Variants in AMBN observed in about 807,000 individuals in gnomAD.
The protein encoded by AMBN is enamel matrix protein.
Under a neutral mutation model 48.0 loss-of-function variants are expected in AMBN, and 54 were observed. The observed-to-expected ratio is 1.12, with a 90% CI of 0.90 to 1.41. The LOEUF is 1.41. Among genes scored for constraint, AMBN ranks in the 40% most tolerant of loss-of-function variants. AMBN has a pLI of 0.00. For missense variants in AMBN, 571 were observed against 547.3 expected (o/e 1.04, Z -0.43); for synonymous variants, 186 against 190.0 (o/e 0.98, Z 0.17).
Position 70,606,553 on chromosome 4 carries a change from T to A in AMBN, c.1167T>A (p.Pro389=), listed in dbSNP as rs753391808. The change falls in exon 13 of 13, where the codon CCT becomes CCA. Residue 389 remains proline (P), a synonymous_variant. Coordinates refer to ENST00000322937, the MANE Select transcript of AMBN (RefSeq NM_016519.6). ...TPAAADPLMT[P]ELADVYRTYD... ...CAGCTGCTGACCCACTGATGACCCC[T>A]GAATTAGCTGATGTTTATAGGACCT... is the stretch of plus-strand genomic sequence containing the variant. The A allele has an allele frequency of 6.2e-7, 1 of 1,614,106 alleles. No homozygotes were observed. Among genetic ancestry groups the A allele is most frequent in the Non-Finnish European group, 8.5e-7 (1 of 1,179,996 alleles).
chr4:70,603,171 A>G, intron 9 of AMBN, 89 bp from the exon 10 acceptor site: 3 of 1,389,368 alleles, frequency 2.2e-6, no homozygotes, highest in Non-Finnish European at 3.0e-6. Context: ...ATACTAATCC[A>G]TCTGAAAATG....
In AMBN at chr4:70,606,240, T is replaced by A. The variant is rs772566071; in HGVS notation, c.854T>A (p.Met285Lys). Residue 285 changes from methionine to lysine, a missense_variant, in exon 13 of 13, where the codon ATG (methionine) becomes AAG (lysine). Met to Lys is a moderately conservative substitution (Grantham distance 95). Coordinates refer to ENST00000322937, the MANE Select transcript of AMBN (RefSeq NM_016519.6). The stretch of plus-strand genomic sequence containing the variant: ...GCCATGTTTCCAGGATTTGGAGGCA[T>A]GAGGCCCGGCTTTGAGGGAATGCCC... ...YGAMFPGFGG[M>K]RPGFEGMPHN... 1.2e-6 allele frequency: 2 copies of A among 1,614,090 alleles called. No individual in the cohort carries two copies. The highest frequency in any genetic ancestry group is 1.7e-6 in the Non-Finnish European group (2 of 1,179,990).
chr4:70,600,337 A>C (rs930350294), intron 5 of AMBN, among the ~76,000 whole-genome samples: 3 of 152,102 alleles, frequency 2.0e-5, no homozygotes, highest in Non-Finnish European at 2.9e-5. Context: ...TAAAAAAAAA[A>C]AACATCATGA....
rs1189484416 is a variant in AMBN at position 70,602,620 on chromosome 4, A to G, written c.532-4A>G. On this transcript the variant is annotated splice_polypyrimidine_tract_variant and splice_region_variant and intron_variant, in intron 6 of 12. Coordinates refer to ENST00000322937, the MANE Select transcript of AMBN (RefSeq NM_016519.6). ...GATAATTTTAATATTTATCTGTGAT[A>G]TAGCTCCCAGGAGTAGATTTTGCTG... 3 of 1,560,188 alleles carry G rather than the reference A, an allele frequency of 1.9e-6. No individual in the cohort carries two copies. Among genetic ancestry groups the G allele is most frequent in the Non-Finnish European group, 2.6e-6 (3 of 1,154,280 alleles).
chr4:70,598,297 T>A, intron 3 of AMBN, 59 bp from the exon 4 acceptor site: 2 of 1,201,342 alleles, frequency 1.7e-6, no homozygotes, highest in Non-Finnish European at 2.3e-6. Flanking sequence ...TCATGAGAAA[T>A]CAGTTGTGTC....
chr4:70,593,720 C>G (rs1235192408), intron 2 of AMBN, among the ~76,000 whole-genome samples: 1 of 152,020 alleles, frequency 6.6e-6, no homozygotes, highest in Non-Finnish European at 1.5e-5. Context: ...CAAAAATTAG[C>G]CAGGCGTGGT....
chr4:70,598,770 T>TTTTA (rs982792752), intron 4 of AMBN, among the ~76,000 whole-genome samples: 49 of 151,860 alleles, frequency 3.2e-4, no homozygotes, highest in African/African-American at 7.5e-4. Flanking sequence ...CTTATTTTAT[T>TTTTA]TTTATTTATT....
intron 5 of AMBN, among the ~76,000 whole-genome samples, chr4:70,601,120 A>G (rs895209875): frequency 6.6e-6 from 1 of 152,202 alleles, no homozygotes; most frequent in Non-Finnish European, 1.5e-5. Flanking sequence ...AAAGATACAG[A>G]TACATACAGA....
At chr4:70,599,514 C>CT (rs760915331) in intron 4 of AMBN, 22 bp from the exon 5 acceptor site, 19 of 1,508,434 alleles carry the variant, frequency 1.3e-5, no homozygotes, top group Middle Eastern at 3.4e-4. Context: ...ATAAGCATGT[C>CT]TTTTTTTATC....
At chr4:70,605,169 A>G (rs1027379293) in intron 12 of AMBN, among the ~76,000 whole-genome samples, 2 of 152,294 alleles carry the variant, frequency 1.3e-5, no homozygotes, top group Admixed American at 1.3e-4. Flanking sequence ...TCACAGTATC[A>G]TCCCTGGAGG....
At chr4:70,597,152 T>G in intron 3 of AMBN, 103 bp downstream of exon 3, 8 of 1,046,182 alleles carry the variant, frequency 7.6e-6, no homozygotes, top group Non-Finnish European at 1.1e-5. Flanking sequence ...GCCAGAAGTT[T>G]GTGGCTGTTA....
chr4:70,603,021 A>C lies in AMBN; in HGVS notation c.648+11A>C. 6.2e-7 allele frequency: 1 copy of C among 1,600,354 alleles called. No individual in the cohort carries two copies. The highest frequency in any genetic ancestry group is 1.3e-5 in the African/African-American group (1 of 74,492). On this transcript the variant is annotated intron_variant, in intron 9 of 12. Transcript: ENST00000322937. ...CCACAAGGTTCAACAGTAAGTACAG[A>C]TCTCAATGAGACACTGTCTTGCAAA... is the stretch of plus-strand genomic sequence containing the variant.
chr4:70,601,312 C>A, intron 5 of AMBN, 106 bp from the exon 6 acceptor site: 1 of 1,120,754 alleles, frequency 8.9e-7, no homozygotes, highest in Non-Finnish European at 1.3e-6. Flanking sequence ...GTCTCCTAGC[C>A]TCCCTTCCAG....
intron 5 of AMBN, among the ~76,000 whole-genome samples, chr4:70,600,273 C>T (rs1399074615): frequency 6.6e-6 from 1 of 151,880 alleles, no homozygotes; most frequent in Non-Finnish European, 1.5e-5. Context: ...TGTGCCACTG[C>T]ACTCCAGCCT....
chr4:70,599,548 G>A lies in AMBN; in HGVS notation c.196G>A (p.Gly66Ser), dbSNP rs759559200. The part of the protein sequence containing the change: ...LNTLSQYSRY[G>S]FGKSFNSLWM... ...TCCATGTCTTTAGTATTCTAGATAC[G>A]GCTTTGGAAAATCATTTAATTCTTT... The change falls in exon 5 of 13, where the codon GGC (glycine) becomes AGC (serine). Residue 66 changes from glycine to serine, a missense_variant. By Grantham distance (56) the Gly-to-Ser change is moderately conservative. Coordinates refer to ENST00000322937, the MANE Select transcript of AMBN (RefSeq NM_016519.6). 1.1e-5 allele frequency: 17 copies of A among 1,609,756 alleles called. No homozygotes were observed. Among genetic ancestry groups the A allele is most frequent in the African/African-American group, 5.4e-5 (4 of 74,628 alleles).
intron 4 of AMBN, 68 bp downstream of exon 4, chr4:70,598,471 T>C: frequency 7.9e-7 from 1 of 1,270,808 alleles, no homozygotes; most frequent in Non-Finnish European, 1.1e-6. Flanking sequence ...AGCATTATAA[T>C]TCATCAAATT....
chr4:70,604,729 A>T (rs1288912055), intron 12 of AMBN, among the ~76,000 whole-genome samples: 6 of 150,810 alleles, frequency 4.0e-5, no homozygotes, highest in African/African-American at 1.5e-4. Context: ...GCAGTGGCTC[A>T]TGCCTATAAT....
At chr4:70,595,199 T>TC (rs976644418) in intron 2 of AMBN, among the ~76,000 whole-genome samples, 1 of 149,560 alleles carries the variant, frequency 6.7e-6, no homozygotes, top group Non-Finnish European at 1.5e-5. Flanking sequence ...TCTTTTTTTT[T>TC]TTTTTTTTTT....
chr4:70,602,707 A>AATTTTTATTTGTTCACTTTTTT, intron 7 of AMBN, 45 bp downstream of exon 7: 1 of 1,513,848 alleles, frequency 6.6e-7, no homozygotes, highest in Non-Finnish European at 8.9e-7. Flanking sequence ...TTTATTTTTT[A>AATTTTTATTTGTTCACTTTTTT]ATTTTTATTT....
Sources: gnomAD v4.1 joint callset for allele counts (sites outside exome capture counted in the v4.1 genomes callset) on GRCh38, gnomAD v4.1.1 for gene constraint, MANE v1.5 for transcripts, NCBI Gene and HGNC (gene_info 2026-07-23, HGNC 2026-07-21) for gene names.